SLC24A3: variants seen among roughly 807,000 people sequenced by gnomAD.
SLC24A3 encodes the protein solute carrier family 24 member 3.
SLC24A3 carries 28 observed loss-of-function variants against 75.8 expected under a neutral mutation model. That is an observed-to-expected ratio of 0.37 (90% CI 0.27 to 0.51). The LOEUF (loss-of-function observed/expected upper bound fraction) is 0.51. Among genes scored for constraint, SLC24A3 ranks in the 20% least tolerant of loss-of-function variants. SLC24A3 has a pLI of 0.94. For missense variants in SLC24A3, 663 were observed against 847.8 expected (o/e 0.78, Z 2.71); for synonymous variants, 372 against 334.1 (o/e 1.11, Z -1.24).
chr20:19,264,399 G>A (rs1448238560), intron 1 of SLC24A3, among the ~76,000 whole-genome samples: 1 of 152,126 alleles, frequency 6.6e-6, no homozygotes, highest in Admixed American at 6.5e-5. Context: ...TACGCTATGT[G>A]TCTCTCTGCT....
At chr20:19,536,512 T>C (rs191503973) in intron 3 of SLC24A3, among the ~76,000 whole-genome samples, 7 of 152,252 alleles carry the variant, frequency 4.6e-5, no homozygotes, top group South Asian at 2.1e-4. Flanking sequence ...CTTCACAGAA[T>C]TGGGAAAAAC....
intron 3 of SLC24A3, among the ~76,000 whole-genome samples, chr20:19,560,993 A>G (rs998093484): frequency 5.3e-5 from 8 of 152,196 alleles, no homozygotes; most frequent in Non-Finnish European, 1.2e-4. Context: ...GGCAAGTCAG[A>G]TTCAAATATT....
intron 3 of SLC24A3, among the ~76,000 whole-genome samples, chr20:19,554,042 T>G (rs1276413163): frequency 1.3e-5 from 2 of 152,066 alleles, no homozygotes; most frequent in Non-Finnish European, 2.9e-5. Context: ...AACAATGCAG[T>G]CTAAGAAGAA....
intron 9 of SLC24A3, among the ~76,000 whole-genome samples, chr20:19,678,184 G>A (rs951434005): frequency 4.6e-5 from 7 of 150,600 alleles, no homozygotes; most frequent in African/African-American, 9.8e-5. Context: ...CCACAAAACC[G>A]CCATTGTCAT....
At chr20:19,524,673 TTTTA>T (rs1163320820) in intron 3 of SLC24A3, among the ~76,000 whole-genome samples, 34 of 152,238 alleles carry the variant, frequency 2.2e-4, no homozygotes, top group African/African-American at 8.0e-4. Context: ...TGTATTTCCT[TTTTA>T]TTTATTTTAT....
At chr20:19,261,729 G>A (rs1446378123) in intron 1 of SLC24A3, 1 of 152,228 alleles carries the variant, frequency 6.6e-6, no homozygotes. Context: ...CCAGCTTCCA[G>A]GAAGAAGTTT....
At chr20:19,702,274 T>C (rs2032883357) in intron 15 of SLC24A3, among the ~76,000 whole-genome samples, 2 of 152,218 alleles carry the variant, frequency 1.3e-5, no homozygotes, top group African/African-American at 4.8e-5. Context: ...GTATACTCTT[T>C]CCAGATCTCA....
intron 6 of SLC24A3, among the ~76,000 whole-genome samples, chr20:19,619,553 T>A (rs1392403595): frequency 6.6e-6 from 1 of 152,124 alleles, no homozygotes; most frequent in African/African-American, 2.4e-5. Context: ...CTACCACATG[T>A]TGGAGTAACT....
intron 1 of SLC24A3, among the ~76,000 whole-genome samples, chr20:19,251,641 A>G (rs1982656535): frequency 6.6e-6 from 1 of 152,184 alleles, no homozygotes; most frequent in Non-Finnish European, 1.5e-5. Context: ...GAGGCAAGGA[A>G]GCCAGGGTAT....
intron 2 of SLC24A3, among the ~76,000 whole-genome samples, chr20:19,447,329 C>CA (rs1382550500): frequency 1.3e-5 from 2 of 152,094 alleles, no homozygotes; most frequent in Admixed American, 6.5e-5. Context: ...GGCGTGGTGT[C>CA]AAATTCCTGT....
chr20:19,561,255 A>G (rs2122610760), intron 3 of SLC24A3, among the ~76,000 whole-genome samples: 1 of 152,310 alleles, frequency 6.6e-6, no homozygotes, highest in Non-Finnish European at 1.5e-5. Context: ...TGTCCCACAG[A>G]TGTGGAACAG....
intron 2 of SLC24A3, among the ~76,000 whole-genome samples, chr20:19,487,331 C>T (rs1206142886): frequency 2.6e-5 from 4 of 152,150 alleles, no homozygotes; most frequent in African/African-American, 9.7e-5. Context: ...TTTCTTACCA[C>T]CTTCATTCTC....
intron 6 of SLC24A3, among the ~76,000 whole-genome samples, chr20:19,625,109 T>G (rs1047177860): frequency 1.1e-4 from 16 of 152,182 alleles, no homozygotes; most frequent in Non-Finnish European, 4.4e-5. Context: ...GCTCAAGCCC[T>G]TTTAAAACCT....
At chr20:19,422,614 A>G (rs1447976184) in intron 2 of SLC24A3, among the ~76,000 whole-genome samples, 2 of 152,150 alleles carry the variant, frequency 1.3e-5, no homozygotes, top group African/African-American at 4.8e-5. Flanking sequence ...AAAAATACTG[A>G]TGCCTCTGTT....
At chr20:19,411,933 T>C (rs1986749833) in intron 2 of SLC24A3, among the ~76,000 whole-genome samples, 2 of 152,224 alleles carry the variant, frequency 1.3e-5, no homozygotes, top group Admixed American at 6.5e-5. Flanking sequence ...ATTCACAATG[T>C]GAGCTAAAGA....
chr20:19,359,431 G>A (rs887998588), intron 2 of SLC24A3, among the ~76,000 whole-genome samples: 13 of 152,184 alleles, frequency 8.5e-5, no homozygotes, highest in African/African-American at 2.9e-4. Flanking sequence ...TGCCCCAAAA[G>A]AGAGCTGCCA....
intron 15 of SLC24A3, among the ~76,000 whole-genome samples, chr20:19,700,607 C>A (rs2032859402): frequency 6.6e-6 from 1 of 152,198 alleles, no homozygotes; most frequent in Admixed American, 6.5e-5. Context: ...GAGTCTAATC[C>A]ATAGATAACT....
At chr20:19,674,584 G>C (rs1370258997) in intron 9 of SLC24A3, among the ~76,000 whole-genome samples, 2 of 152,146 alleles carry the variant, frequency 1.3e-5, no homozygotes, top group Non-Finnish European at 2.9e-5. Flanking sequence ...GAAGTCACAC[G>C]CCATTACTTC....
chr20:19,294,166 T>A (rs1243596961), intron 2 of SLC24A3, among the ~76,000 whole-genome samples: 1 of 151,136 alleles, frequency 6.6e-6, no homozygotes, highest in East Asian at 1.9e-4. Context: ...TTTTTCCAAT[T>A]ATTTTTTAAT....
Sources: gnomAD v4.1 joint callset for allele counts (sites outside exome capture counted in the v4.1 genomes callset) on GRCh38, gnomAD v4.1.1 for gene constraint, MANE v1.5 for transcripts, NCBI Gene and HGNC (gene_info 2026-07-23, HGNC 2026-07-21) for gene names.